Variants in C12orf42 observed in about 807,000 individuals in gnomAD.
The protein encoded by C12orf42 is uncharacterized protein C12orf42.
A neutral mutation model predicts 21.6 loss-of-function variants in C12orf42; 25 were observed. The ratio of observed to expected loss-of-function variants is 1.16; its 90% CI spans 0.84 to 1.62. C12orf42 has a LOEUF of 1.62. Among genes scored for constraint, C12orf42 ranks in the 40% most tolerant of loss-of-function variants. C12orf42 has a pLI of 0.00. For synonymous variants in C12orf42, 174 were observed against 175.0 expected (o/e 0.99, Z 0.05); for missense variants, 483 against 459.3 (o/e 1.05, Z -0.47).
chr12:103,213,727 A>T, the C12orf42 span, among the ~76,000 whole-genome samples: 5 of 152,216 alleles, frequency 3.3e-5, no homozygotes, highest in Non-Finnish European at 7.3e-5. Context: ...GAATCTAGGG[A>T]TCTGAGAAAA....
At chr12:103,251,191 A>G (rs2034282369) in intron 10 of C12orf42, among the ~76,000 whole-genome samples, 1 of 152,108 alleles carries the variant, frequency 6.6e-6, no homozygotes, top group African/African-American at 2.4e-5. Flanking sequence ...ACTTGGTTGC[A>G]AATTTACAGT....
chr12:103,331,373 G>A (rs1439788042), intron 4 of C12orf42, among the ~76,000 whole-genome samples: 1 of 152,196 alleles, frequency 6.6e-6, no homozygotes, highest in Non-Finnish European at 1.5e-5. Context: ...ACCATCTATA[G>A]TATTTCATGA....
chr12:103,220,816 A>G, the C12orf42 span, among the ~76,000 whole-genome samples: 2 of 152,212 alleles, frequency 1.3e-5, no homozygotes, highest in Non-Finnish European at 2.9e-5. Context: ...AGCCAAGGGC[A>G]GGAGAGAGGG....
At chr12:103,284,755 G>A (rs1471418749) in intron 4 of C12orf42, among the ~76,000 whole-genome samples, 2 of 152,156 alleles carry the variant, frequency 1.3e-5, no homozygotes, top group Non-Finnish European at 2.9e-5. Context: ...ACAACTCATG[G>A]GTTTTCCCAC....
intron 10 of C12orf42, among the ~76,000 whole-genome samples, chr12:103,249,815 A>C (rs1361075112): frequency 2.0e-5 from 3 of 152,104 alleles, no homozygotes; most frequent in African/African-American, 7.2e-5. Context: ...TAGGAAACAA[A>C]AGCCAGGGTA....
chr12:103,453,826 C>A (rs190556776), intron 2 of C12orf42, among the ~76,000 whole-genome samples: 1 of 152,208 alleles, frequency 6.6e-6, no homozygotes, highest in East Asian at 1.9e-4. Context: ...TTGTTCCACA[C>A]AATGGCTTAT....
At chr12:103,405,381 T>G (rs1033769774) in intron 2 of C12orf42, among the ~76,000 whole-genome samples, 1 of 152,172 alleles carries the variant, frequency 6.6e-6, no homozygotes, top group African/African-American at 2.4e-5. Context: ...GCTACAGACA[T>G]GCTGTTTTTG....
chr12:103,153,680 C>A, the C12orf42 span, among the ~76,000 whole-genome samples: 2 of 152,054 alleles, frequency 1.3e-5, no homozygotes, highest in Non-Finnish European at 1.5e-5. Flanking sequence ...GGATGTGGAA[C>A]AACTGAAACT....
At chr12:103,438,876 A>G (rs1312953912) in intron 2 of C12orf42, among the ~76,000 whole-genome samples, 1 of 151,170 alleles carries the variant, frequency 6.6e-6, no homozygotes, top group Non-Finnish European at 1.5e-5. Context: ...CAAGCTACCA[A>G]TGACTTTCTT....
At chr12:103,164,915 T>A in the C12orf42 span, among the ~76,000 whole-genome samples, 6 of 152,204 alleles carry the variant, frequency 3.9e-5, no homozygotes, top group African/African-American at 1.4e-4. Flanking sequence ...GAGAATTTAA[T>A]GAAACCCATG....
At chr12:103,420,165 G>A (rs139406838) in intron 2 of C12orf42, among the ~76,000 whole-genome samples, 2 of 152,168 alleles carry the variant, frequency 1.3e-5, no homozygotes, top group African/African-American at 4.8e-5. Flanking sequence ...TTTTTTCAAT[G>A]TAACATTATA....
At chr12:103,535,759 A>G in the C12orf42 span, among the ~76,000 whole-genome samples, 4 of 152,212 alleles carry the variant, frequency 2.6e-5, no homozygotes, top group African/African-American at 9.6e-5. Flanking sequence ...GAATGGAGGG[A>G]AGTAGATCTG....
intron 4 of C12orf42, among the ~76,000 whole-genome samples, chr12:103,330,979 T>C (rs1180464229): frequency 6.6e-6 from 1 of 152,234 alleles, no homozygotes; most frequent in Non-Finnish European, 1.5e-5. Context: ...TAGAATGATA[T>C]TTAAGACTCA....
intron 2 of C12orf42, among the ~76,000 whole-genome samples, chr12:103,448,469 G>A (rs1337776112): frequency 6.6e-6 from 1 of 151,944 alleles, no homozygotes; most frequent in Non-Finnish European, 1.5e-5. Flanking sequence ...AGCTTCTGCA[G>A]AGCAAAAGAA....
At chr12:103,243,935 C>T (rs1431212022) in intron 10 of C12orf42, among the ~76,000 whole-genome samples, 1 of 152,090 alleles carries the variant, frequency 6.6e-6, no homozygotes, top group Non-Finnish European at 1.5e-5. Context: ...TTATCTAAAT[C>T]CCATTCTACA....
the C12orf42 span, among the ~76,000 whole-genome samples, chr12:103,134,334 G>T: frequency 7.2e-5 from 11 of 151,964 alleles, no homozygotes; most frequent in Non-Finnish European, 1.3e-4. Context: ...TTTAATACTG[G>T]AGAATACAGG....
At chr12:103,485,726 A>G (rs1425358008) in intron 1 of C12orf42, among the ~76,000 whole-genome samples, 1 of 152,028 alleles carries the variant, frequency 6.6e-6, no homozygotes, top group Non-Finnish European at 1.5e-5. Flanking sequence ...TTTATTCTCT[A>G]TGTAGCAATT....
chr12:103,183,743 CAT>C, the C12orf42 span, among the ~76,000 whole-genome samples: 4 of 152,278 alleles, frequency 2.6e-5, no homozygotes, highest in South Asian at 2.1e-4. Flanking sequence ...CTATGTCTCA[CAT>C]GTTTCCACAT....
chr12:103,312,927 T>C (rs183120133), intron 4 of C12orf42, among the ~76,000 whole-genome samples: 4 of 152,298 alleles, frequency 2.6e-5, no homozygotes, highest in Admixed American at 2.6e-4. Context: ...AAAAGACAAA[T>C]ATGTTAACTC....
Sources: allele counts gnomAD v4.1 joint callset (sites outside exome capture counted in the v4.1 genomes callset), GRCh38; gene constraint gnomAD v4.1.1; transcripts MANE v1.5; gene names NCBI Gene and HGNC (gene_info 2026-07-23, HGNC 2026-07-21).